The following GALNT13 variants were observed in gnomAD, a reference collection of about 807,000 sequenced individuals.
The protein encoded by GALNT13 is polypeptide N-acetylgalactosaminyltransferase 13, also known as UDP-GalNAc:polypeptide N-acetylgalactosaminyltransferase 13.
GALNT13 carries 28 observed loss-of-function variants against 64.2 expected under a neutral mutation model. The ratio of observed to expected loss-of-function variants is 0.44; its 90% confidence interval spans 0.32 to 0.60. The LOEUF is 0.60. GALNT13 is among the 20% of genes least tolerant of loss of function. The pLI is 0.05. For synonymous variants in GALNT13, 214 were observed against 224.6 expected, an observed-to-expected ratio of 0.95 and a Z score of 0.42; for missense variants, 577 against 669.8, an observed-to-expected ratio of 0.86 and a Z score of 1.53.
intron 3 of GALNT13, among the ~76,000 whole-genome samples, chr2:154,138,581 A>G (rs960516334): frequency 1.3e-4 from 19 of 151,808 alleles, no homozygotes; most frequent in Non-Finnish European, 2.2e-4. Flanking sequence ...GTTAAAAAAA[A>G]AAAAAAAACC....
intron 4 of GALNT13, among the ~76,000 whole-genome samples, chr2:154,203,077 T>A (rs1169211079): frequency 6.6e-6 from 1 of 152,118 alleles, no homozygotes; most frequent in South Asian, 2.1e-4. Context: ...TCGGGGGCTA[T>A]AACTGGCCCC....
the GALNT13 span, among the ~76,000 whole-genome samples, chr2:153,772,831 G>T: frequency 6.6e-6 from 1 of 152,148 alleles, no homozygotes; most frequent in African/African-American, 2.4e-5. Context: ...TATGATTCTA[G>T]ATGGGCCAGA....
In GALNT13 at chr2:154,053,288, G is replaced by A. The variant is rs114790294; in HGVS notation, c.143-87049G>A. The stretch of plus-strand genomic sequence containing the variant: ...AAAATCAATTCTTCGCATTAACATC[G>A]TATGCAAAAGAATTTAATATGGTAC... On this transcript the variant is annotated intron_variant, in intron 3 of 12. Coordinates refer to ENST00000392825, the MANE Select transcript of GALNT13 (RefSeq NM_052917.4). Among the ~76,000 whole-genome samples, 1,077 of 152,158 alleles carry A rather than the reference G, an allele frequency of 7.1e-3. 12 individuals are homozygous for A. The highest frequency in any genetic ancestry group is 0.024 in the African/African-American group (984 of 41,540).
chr2:153,642,195 T>G, the GALNT13 span, among the ~76,000 whole-genome samples: 2 of 152,000 alleles, frequency 1.3e-5, no homozygotes, highest in African/African-American at 2.4e-5. Flanking sequence ...GTTAGTCTAT[T>G]TATTCCAGGC....
downstream of GALNT13, among the ~76,000 whole-genome samples, chr2:154,455,176 G>A (rs1219970876): frequency 2.6e-5 from 4 of 152,086 alleles, no homozygotes; most frequent in African/African-American, 9.7e-5. Context: ...AAAATTTGGT[G>A]GGAGGTTAGG....
chr2:153,572,623 G>A, the GALNT13 span, among the ~76,000 whole-genome samples: 3 of 151,688 alleles, frequency 2.0e-5, no homozygotes, highest in Admixed American at 6.6e-5. Flanking sequence ...GTATCCCATA[G>A]GTTTTGGTAT....
At chr2:153,222,138 G>T in the GALNT13 span, among the ~76,000 whole-genome samples, 1 of 152,110 alleles carries the variant, frequency 6.6e-6, no homozygotes, top group Admixed American at 6.5e-5. Flanking sequence ...GGTGAGCCAG[G>T]CAGAGAGGAG....
intron 11 of GALNT13, 130 bp from the exon 12 acceptor site, chr2:154,438,462 T>G: frequency 3.4e-6 from 2 of 589,070 alleles, no homozygotes; most frequent in Non-Finnish European, 5.8e-6. Context: ...ATTAGCTTTC[T>G]CAAGATAACA....
intron 9 of GALNT13, among the ~76,000 whole-genome samples, chr2:154,341,375 A>T (rs799809): frequency 0.23 from 34,798 of 152,152 alleles, 4,896 homozygotes; most frequent in Admixed American, 0.33. Flanking sequence ...AATATACATT[A>T]AGTGATAATG....
intron 3 of GALNT13, among the ~76,000 whole-genome samples, chr2:153,971,938 A>G (rs1165899311): frequency 2.6e-5 from 4 of 152,142 alleles, no homozygotes; most frequent in African/African-American, 9.7e-5. Flanking sequence ...AGTAGGCTCT[A>G]AATCCAATGA....
the GALNT13 span, among the ~76,000 whole-genome samples, chr2:153,562,477 C>T: frequency 2.0e-5 from 3 of 152,084 alleles, no homozygotes; most frequent in African/African-American, 4.8e-5. Flanking sequence ...CTGTAATAGA[C>T]GTCTTTTGTC....
chr2:153,082,573 TTATATATA>T, the GALNT13 span, among the ~76,000 whole-genome samples: 577 of 40,470 alleles, frequency 0.014, 3 homozygotes, highest in Non-Finnish European at 0.017. Context: ...TTAGGCTGGT[TTATATATA>T]TATATATATA....
chr2:153,655,450 G>A, the GALNT13 span, among the ~76,000 whole-genome samples: 2 of 151,952 alleles, frequency 1.3e-5, no homozygotes, highest in Non-Finnish European at 2.9e-5. Context: ...GAGGTTTTTG[G>A]CAAAATAATG....
chr2:153,664,459 A>G, the GALNT13 span, among the ~76,000 whole-genome samples: 1 of 152,288 alleles, frequency 6.6e-6, no homozygotes, highest in Non-Finnish European at 1.5e-5. Context: ...CAGATTTCAT[A>G]TTGTTCAAAC....
the GALNT13 span, among the ~76,000 whole-genome samples, chr2:153,605,312 T>C: frequency 6.6e-6 from 1 of 152,250 alleles, no homozygotes; most frequent in Admixed American, 6.6e-5. Context: ...TTGCTCTTGC[T>C]AAGCAAGCTC....
At chr2:154,331,050 T>C (rs1695138307) in intron 9 of GALNT13, among the ~76,000 whole-genome samples, 1 of 152,094 alleles carries the variant, frequency 6.6e-6, no homozygotes, top group Non-Finnish European at 1.5e-5. Flanking sequence ...TTATAAACAT[T>C]ATGAGGACTT....
In GALNT13 at chr2:153,885,216, A is replaced by G. The variant is rs569321877; in HGVS notation, c.-177+12913A>G. On this transcript the variant is annotated intron_variant, in intron 1 of 12. Coordinates refer to ENST00000392825, the MANE Select transcript of GALNT13 (RefSeq NM_052917.4). ...TCTAGGTATAAAGCCTAAGACTGAT[A>G]CAGAGCTCTTACTTGCTCTGGGTCT... is the stretch of plus-strand genomic sequence containing the variant. Among the ~76,000 whole-genome samples the G allele has an allele frequency of 2.0e-5, 3 of 152,152 alleles. No individual in the cohort carries two copies. In the South Asian group the frequency reaches 6.2e-4, roughly 32 times the overall value.
At chr2:153,668,540 A>G in the GALNT13 span, among the ~76,000 whole-genome samples, 469 of 152,286 alleles carry the variant, frequency 3.1e-3, no homozygotes, top group Non-Finnish European at 5.6e-3. Flanking sequence ...AAAGACTGAC[A>G]TACTCCAAGT....
At chr2:153,586,974 G>A in the GALNT13 span, among the ~76,000 whole-genome samples, 1 of 152,070 alleles carries the variant, frequency 6.6e-6, no homozygotes. Flanking sequence ...GCTCAAGCCT[G>A]TAATATTAAC....
Sources: gnomAD v4.1 joint callset for allele counts (sites outside exome capture counted in the v4.1 genomes callset) on GRCh38, gnomAD v4.1.1 for gene constraint, MANE v1.5 for transcripts, NCBI Gene and HGNC (gene_info 2026-07-23, HGNC 2026-07-21) for gene names.